Variants in GMDS observed in about 807,000 individuals in gnomAD.
GMDS encodes the protein GDP-mannose 4,6-dehydratase, also known as GDP-mannose 4,6 dehydratase.
In GMDS, 20 loss-of-function variants were observed where a neutral mutation model predicts 49.9. That is an observed-to-expected ratio of 0.40 (90% CI 0.28 to 0.58). GMDS has a LOEUF of 0.58. Ranked by LOEUF, GMDS falls within the 20% of genes least tolerant of loss-of-function variation. The pLI is 0.42. For synonymous variants in GMDS, 177 were observed against 178.6 expected (o/e 0.99, Z 0.07); for missense variants, 362 against 481.4 (o/e 0.75, Z 2.32).
chr6:1,826,517 G>A (rs1771117440), intron 7 of GMDS, among the ~76,000 whole-genome samples: 1 of 152,162 alleles, frequency 6.6e-6, no homozygotes, highest in African/African-American at 2.4e-5. Flanking sequence ...TTTGGACCTT[G>A]TCTAAACCAT....
intron 7 of GMDS, among the ~76,000 whole-genome samples, chr6:1,768,545 T>G (rs1001513590): frequency 6.6e-6 from 1 of 152,238 alleles, no homozygotes; most frequent in African/African-American, 2.4e-5. Flanking sequence ...AAATGTTTCT[T>G]GTTAGTCACT....
chr6:2,243,276 G>A (rs1781700555), intron 1 of GMDS, among the ~76,000 whole-genome samples: 3 of 152,164 alleles, frequency 2.0e-5, no homozygotes, highest in Admixed American at 2.0e-4. Flanking sequence ...AACTAGAGTG[G>A]GGGCCCACTT....
At chr6:1,654,977 C>T (rs9501749) in intron 9 of GMDS, among the ~76,000 whole-genome samples, 2,959 of 150,866 alleles carry the variant, frequency 0.02, 89 homozygotes, top group African/African-American at 0.068. Context: ...AGGAGAATCA[C>T]TTGAACCCGG....
chr6:2,086,712 TG>T (rs1773035933), intron 4 of GMDS, among the ~76,000 whole-genome samples: 1 of 152,270 alleles, frequency 6.6e-6, no homozygotes. Flanking sequence ...ATTTCCCTTC[TG>T]GGCTACGTGC....
intron 1 of GMDS, among the ~76,000 whole-genome samples, chr6:2,238,634 C>T (rs1220984443): frequency 1.3e-5 from 2 of 152,136 alleles, no homozygotes; most frequent in African/African-American, 2.4e-5. Context: ...ATGCCAGGAA[C>T]AGTGATAGGC....
chr6:1,951,709 C>A (rs79553440), intron 6 of GMDS, among the ~76,000 whole-genome samples: 33 of 152,148 alleles, frequency 2.2e-4, no homozygotes, highest in East Asian at 7.7e-4. Flanking sequence ...TTTTTAATGT[C>A]TTTTATATTA....
intron 1 of GMDS, among the ~76,000 whole-genome samples, chr6:2,147,423 G>C (rs1270380942): frequency 6.6e-6 from 1 of 152,130 alleles, no homozygotes; most frequent in African/African-American, 2.4e-5. Flanking sequence ...GCCCAGAAGA[G>C]ATGCATAAGA....
chr6:1,820,921 G>A (rs1292857538), intron 7 of GMDS, among the ~76,000 whole-genome samples: 5 of 152,188 alleles, frequency 3.3e-5, no homozygotes, highest in Non-Finnish European at 7.3e-5. Context: ...CATGGGCATG[G>A]GGCTCTAGCC....
At chr6:2,005,736 C>T (rs1285556217) in intron 4 of GMDS, among the ~76,000 whole-genome samples, 1 of 152,172 alleles carries the variant, frequency 6.6e-6, no homozygotes, top group Non-Finnish European at 1.5e-5. Flanking sequence ...CCTCAGATAT[C>T]CAACTTCCAG....
intron 1 of GMDS, among the ~76,000 whole-genome samples, chr6:2,235,122 T>C (rs1162607519): frequency 6.6e-6 from 1 of 151,466 alleles, no homozygotes; most frequent in East Asian, 1.9e-4. Context: ...CAAAACTCCA[T>C]CTCAAAAAAA....
intron 9 of GMDS, among the ~76,000 whole-genome samples, chr6:1,661,274 T>C (rs1265536120): frequency 6.6e-6 from 1 of 152,196 alleles, no homozygotes; most frequent in East Asian, 1.9e-4. Context: ...CAGCAGGTGC[T>C]ATTAGATCCT....
At chr6:1,977,631 G>A (rs1764982879) in intron 4 of GMDS, among the ~76,000 whole-genome samples, 1 of 152,134 alleles carries the variant, frequency 6.6e-6, no homozygotes, top group Non-Finnish European at 1.5e-5. Flanking sequence ...AAGCAGGGTG[G>A]GGCAATGGCC....
At chr6:1,703,842 C>T (rs967238584) in intron 9 of GMDS, among the ~76,000 whole-genome samples, 3 of 152,256 alleles carry the variant, frequency 2.0e-5, no homozygotes, top group African/African-American at 7.2e-5. Flanking sequence ...TTGTATTTCT[C>T]CCACAACTTG....
intron 7 of GMDS, among the ~76,000 whole-genome samples, chr6:1,789,069 T>C (rs77753298): frequency 0.06 from 9,061 of 152,196 alleles, 883 homozygotes; most frequent in African/African-American, 0.21. Flanking sequence ...CAGGACACAA[T>C]AGTCATGTAA....
intron 7 of GMDS, among the ~76,000 whole-genome samples, chr6:1,816,287 T>C (rs958288442): frequency 1.3e-5 from 2 of 152,228 alleles, no homozygotes; most frequent in South Asian, 2.1e-4. Context: ...AATTATCTCA[T>C]CTTTGTACCA....
chr6:2,228,699 T>C (rs1040752078), intron 1 of GMDS, among the ~76,000 whole-genome samples: 2 of 152,240 alleles, frequency 1.3e-5, no homozygotes, highest in Non-Finnish European at 2.9e-5. Context: ...TGCGCCATAA[T>C]GTGCAGTGTT....
chr6:1,656,750 C>A (rs916029601), intron 9 of GMDS, among the ~76,000 whole-genome samples: 3 of 150,152 alleles, frequency 2.0e-5, no homozygotes, highest in Non-Finnish European at 4.4e-5. Flanking sequence ...GGCGACAGAG[C>A]GAGACTCTGT....
chr6:2,006,590 TA>T (rs1767196471), intron 4 of GMDS, among the ~76,000 whole-genome samples: 1 of 152,210 alleles, frequency 6.6e-6, no homozygotes, highest in African/African-American at 2.4e-5. Flanking sequence ...TAGGAAAACC[TA>T]CAAATTAATA....
chr6:1,768,320 A>T (rs1768439253), intron 7 of GMDS, among the ~76,000 whole-genome samples: 1 of 152,236 alleles, frequency 6.6e-6, no homozygotes, highest in South Asian at 2.1e-4. Flanking sequence ...ACGACAGTAT[A>T]ATCAATAGGA....
Sources: gnomAD v4.1 joint callset for allele counts (sites outside exome capture counted in the v4.1 genomes callset) on GRCh38, gnomAD v4.1.1 for gene constraint, MANE v1.5 for transcripts, NCBI Gene and HGNC (gene_info 2026-07-23, HGNC 2026-07-21) for gene names.